NINL: variants seen among roughly 807,000 people sequenced by gnomAD.
The protein encoded by NINL is ninein like.
NINL carries 153 observed loss-of-function variants against 160.3 expected under a neutral mutation model. The observed-to-expected ratio is 0.95, with a 90% CI of 0.84 to 1.09. The LOEUF (loss-of-function observed/expected upper bound fraction) is 1.09, where lower values mean the gene tolerates loss of function less well. Among genes scored for constraint, NINL ranks in the 50% least tolerant of loss-of-function variants. The pLI is 0.00. For synonymous variants in NINL, 800 were observed against 734.8 expected (o/e 1.09, Z -1.43); for missense variants, 1,829 against 1,764.0 (o/e 1.04, Z -0.66).
chr20:25,479,352 G>T, intron 15 of NINL, 146 bp from the exon 16 acceptor site: 1 of 1,030,312 alleles, frequency 9.7e-7, no homozygotes, highest in Non-Finnish European at 1.4e-6. Context: ...TGCAGAAGGG[G>T]ACAGTGACAT....
Position 25,476,284 on chromosome 20 carries a change from C to T in NINL, c.3007G>A (p.Gly1003Ser), listed in dbSNP as rs756007276. Residue 1003 changes from glycine to serine, a missense_variant, in exon 17 of 24, where the codon GGC becomes AGC. Coordinates refer to ENST00000278886, the MANE Select transcript of NINL (RefSeq NM_025176.6). ...TTGTGACACCCAGGCTCCAGGGCGCCCTCGGCCCGGGCCTGCTGCTCCGAG... is the reference window on the plus strand; with the variant it reads ...TTGTGACACCCAGGCTCCAGGGCGCTCTCGGCCCGGGCCTGCTGCTCCGAG... ...QASEQQARAE[G>S]ALEPGCHKHS... 6.2e-6 allele frequency: 10 copies of T among 1,613,364 alleles called. No individual in the cohort carries two copies. The highest frequency in any genetic ancestry group is 1.7e-5 in the Admixed American group (1 of 60,000).
At position 25,548,078 on chromosome 20, in the gene NINL, G is replaced by A. The variant is rs942825039; in HGVS notation, c.-11-21480C>T. Among the ~76,000 whole-genome samples the A allele has an allele frequency of 9.2e-5, 14 of 152,332 alleles. 1 individual carries two copies. The South Asian group carries it at 2.9e-3, about 32-fold the overall frequency. The stretch of plus-strand genomic sequence containing the variant: ...ACTGGGCAGATGCACTGCAATGCTG[G>A]TCTTCCCCAAGGTTCCTGCCCTGTC... On this transcript the variant is annotated intron_variant, in intron 1 of 23. Transcript: ENST00000278886.
chr20:25,466,521 C>T (rs2062916585), intron 19 of NINL, among the ~76,000 whole-genome samples: 1 of 151,826 alleles, frequency 6.6e-6, no homozygotes, highest in African/African-American at 2.4e-5. Context: ...TGGGGTAAGC[C>T]GGGTACAGTG....
At chr20:25,478,795 A>G (rs901999720) in intron 16 of NINL, 128 bp downstream of exon 16, 2 of 1,066,174 alleles carry the variant, frequency 1.9e-6, no homozygotes, top group Non-Finnish European at 2.7e-6. Context: ...GCACTCACCC[A>G]TCTGCCCAGA....
intron 19 of NINL, 129 bp from the exon 20 acceptor site, chr20:25,462,670 T>TGTTTTG: frequency 5.5e-5 from 49 of 890,554 alleles, no homozygotes; most frequent in Non-Finnish European, 7.1e-5. Context: ...TGTTTTGTTT[T>TGTTTTG]TCAAGACAGG....
intron 3 of NINL, 76 bp from the exon 4 acceptor site, chr20:25,513,082 T>C: frequency 6.9e-7 from 1 of 1,458,902 alleles, no homozygotes; most frequent in South Asian, 1.3e-5. Context: ...AGGTACCCTC[T>C]GAGAAGGTGC....
chr20:25,485,307 C>T (rs2063485335), intron 13 of NINL, among the ~76,000 whole-genome samples: 2 of 152,200 alleles, frequency 1.3e-5, no homozygotes, highest in South Asian at 2.1e-4. Context: ...AAAGCCCTCG[C>T]TTGTGGCTTT....
intron 22 of NINL, 34 bp downstream of exon 22, chr20:25,458,349 C>T (rs2090744605): frequency 1.9e-6 from 3 of 1,602,658 alleles, no homozygotes; most frequent in African/African-American, 1.3e-5. Flanking sequence ...TCCTCCTCAT[C>T]TCGTCAGCCA....
chr20:25,572,428 T>C (rs544878013), intron 1 of NINL, among the ~76,000 whole-genome samples: 24 of 152,278 alleles, frequency 1.6e-4, no homozygotes, highest in African/African-American at 4.8e-4. Flanking sequence ...TTTGTAATTA[T>C]CTTTTGGTGA....
chr20:25,532,338 G>A (rs992023138), intron 1 of NINL, among the ~76,000 whole-genome samples: 1 of 152,222 alleles, frequency 6.6e-6, no homozygotes, highest in African/African-American at 2.4e-5. Context: ...ATTCCCGTAT[G>A]ACTACGAATA....
intron 2 of NINL, among the ~76,000 whole-genome samples, chr20:25,521,638 C>T (rs976657657): frequency 6.6e-6 from 1 of 152,172 alleles, no homozygotes; most frequent in African/African-American, 2.4e-5. Flanking sequence ...ATCTAGTGTA[C>T]TGAGGGATAT....
At chr20:25,501,217 C>T (rs1109100) in intron 7 of NINL, among the ~76,000 whole-genome samples, 1 of 152,300 alleles carries the variant, frequency 6.6e-6, no homozygotes, top group Admixed American at 6.5e-5. Context: ...GTAAGAAAGT[C>T]GGGACATGCA....
rs558449109 is a variant in NINL, at chr20:25,461,689, T to C, written c.3583-54A>G. 3.9e-5 allele frequency: 47 copies of C among 1,204,532 alleles called. No individual in the cohort carries two copies. The African/African-American group carries it at 4.7e-4, about 12-fold the overall frequency. 74.6% of individuals were successfully genotyped at this position (1,204,532 alleles called of 1,614,324 possible). A position where few individuals can be genotyped will look rare whatever the true frequency, so the allele number is the denominator to read the frequency against. ...CAAGAAGTATCTGAAGAGTCTGGTA[T>C]GTAATTCGTGCAAAAACCTCAGAAA... On this transcript the variant is annotated intron_variant, in intron 20 of 23. Transcript: ENST00000278886.
chr20:25,475,763 T>G (rs1328316836), intron 17 of NINL, among the ~76,000 whole-genome samples: 1 of 152,148 alleles, frequency 6.6e-6, no homozygotes, highest in Non-Finnish European at 1.5e-5. Context: ...GGGAGGCTGA[T>G]GCACAAGAAT....
intron 17 of NINL, among the ~76,000 whole-genome samples, chr20:25,474,906 G>A (rs2063193233): frequency 6.6e-6 from 1 of 151,484 alleles, no homozygotes; most frequent in African/African-American, 2.4e-5. Flanking sequence ...TCCTGCCTTA[G>A]CCTCCCGAGT....
chr20:25,516,825 A>G (rs887126459), intron 3 of NINL, among the ~76,000 whole-genome samples: 3 of 152,146 alleles, frequency 2.0e-5, no homozygotes, highest in Admixed American at 6.5e-5. Flanking sequence ...AGGGGCAACC[A>G]CCAGCACACA....
intron 4 of NINL, 81 bp from the exon 5 acceptor site, chr20:25,510,821 A>T: frequency 9.2e-7 from 1 of 1,082,108 alleles, no homozygotes; most frequent in Non-Finnish European, 1.4e-6. Flanking sequence ...ATAGAGCAGG[A>T]TGTTTGGGGA....
chr20:25,466,566 A>G (rs2062918186), intron 19 of NINL, among the ~76,000 whole-genome samples: 3 of 152,126 alleles, frequency 2.0e-5, no homozygotes, highest in South Asian at 2.1e-4. Context: ...TTGGGAGGCC[A>G]AGGCCAGCGG....
intron 1 of NINL, among the ~76,000 whole-genome samples, chr20:25,568,746 A>T (rs891725716): frequency 6.6e-6 from 1 of 152,020 alleles, no homozygotes; most frequent in Non-Finnish European, 1.5e-5. Context: ...GAACTTTTCC[A>T]AGATGAAAGA....
Sources: gnomAD v4.1 joint callset for allele counts (sites outside exome capture counted in the v4.1 genomes callset) on GRCh38, gnomAD v4.1.1 for gene constraint, MANE v1.5 for transcripts, NCBI Gene and HGNC (gene_info 2026-07-23, HGNC 2026-07-21) for gene names.